Variants in ZNF224 observed in about 807,000 individuals in gnomAD.
ZNF224 encodes the protein zinc finger protein 224.
ZNF224 carries 8 observed loss-of-function variants against 10.5 expected under a neutral mutation model. That is an observed-to-expected ratio of 0.76 (90% CI 0.45 to 1.37). The LOEUF (loss-of-function observed/expected upper bound fraction) is 1.37. ZNF224 is among the 40% of genes most tolerant of loss of function. The probability of loss-of-function intolerance (pLI) is 0.00; values close to 1 mark genes in which losing one functional copy is unlikely to be tolerated. For missense variants in ZNF224, 754 were observed against 854.0 expected (o/e 0.88, Z 1.46); for synonymous variants, 282 against 287.8 (o/e 0.98, Z 0.20).
At position 44,109,568 on chromosome 19, in the gene ZNF224, A is replaced by G. The variant is rs1449061066; in HGVS notation, c.*1284A>G. 1 of 152,186 alleles carries G rather than the reference A, an allele frequency of 6.6e-6. No homozygotes were observed. The highest frequency in any genetic ancestry group is 2.1e-4 in the South Asian group (1 of 4,834). The allele number at this position is 152,186 out of a possible 1,614,324, so 9.4% of individuals were successfully genotyped here. A position where few individuals can be genotyped will look rare whatever the true frequency, so the allele number is the denominator to read the frequency against. ...AGAATGTATAAGGTGCAACTGTTTG[A>G]TATGAAAACCATAGGATAGGAAACT... On this transcript the variant is annotated 3_prime_UTR_variant, in exon 6 of 6. Coordinates refer to ENST00000693561, the MANE Select transcript of ZNF224 (RefSeq NM_001321645.3).
Position 44,103,891 on chromosome 19 carries a change from A to G in ZNF224, c.236-2505A>G, listed in dbSNP as rs141367960. On this transcript the variant is annotated intron_variant, in intron 5 of 5. Coordinates refer to ENST00000693561, the MANE Select transcript of ZNF224 (RefSeq NM_001321645.3). ...TTTTTAGTAGAGACAGGGTTTCACC[A>G]TGTTAATCAGGCTGGTCACCAACTC... Among the ~76,000 whole-genome samples, 10 of 152,252 alleles carry G rather than the reference A, an allele frequency of 6.6e-5. 1 individual carries two copies. In the South Asian group the frequency reaches 1.7e-3, roughly 25 times the overall value.
At chr19:44,101,360 G>T in intron 5 of ZNF224, 135 bp downstream of exon 5, 1 of 857,572 alleles carries the variant, frequency 1.2e-6, no homozygotes, top group East Asian at 2.7e-5. Flanking sequence ...TACACCTGGT[G>T]GCCCTGCCAC....
rs112323120 is a variant in ZNF224, at chr19:44,097,945, A to G, written c.15+57A>G. 2.5e-6 allele frequency: 4 copies of G among 1,598,462 alleles called. No homozygotes were observed. The South Asian group carries it at 4.4e-5, about 18-fold the overall frequency. On this transcript the variant is annotated intron_variant, in intron 3 of 5. Transcript: ENST00000693561. Reference sequence around the variant, plus strand: ...ATTCCCTCTCAGTACTTAAATTGTCACAAGTTTTCCTCTGTCTTGGGAAGA... The same window carrying G: ...ATTCCCTCTCAGTACTTAAATTGTCGCAAGTTTTCCTCTGTCTTGGGAAGA...
At chr19:44,101,338 T>C in intron 5 of ZNF224, 113 bp downstream of exon 5, 1 of 1,104,256 alleles carries the variant, frequency 9.1e-7, no homozygotes, top group Non-Finnish European at 1.3e-6. Context: ...CTTGGATTAT[T>C]GACAACCATC....
Position 44,106,754 on chromosome 19 carries a change from C to T in ZNF224, c.594C>T (p.His198=). The T allele has an allele frequency of 6.2e-7, 1 of 1,612,614 alleles. No homozygotes were observed. The highest frequency in any genetic ancestry group is 8.5e-7 in the Non-Finnish European group (1 of 1,179,112). ...ISALRIHQRV[H]MGEKCYKCDV... ...CCCTTCGTATTCATCAGAGAGTCCA[C>T]ATGGGAGAGAAATGCTATAAGTGTG... is the stretch of plus-strand genomic sequence containing the variant. The change falls in exon 6 of 6, where the codon CAC becomes CAT. Residue 198 remains histidine, a synonymous_variant. Coordinates refer to ENST00000693561, the MANE Select transcript of ZNF224 (RefSeq NM_001321645.3).
Position 44,097,533 on chromosome 19 carries a change from A to G in ZNF224, c.-68-273A>G, listed in dbSNP as rs563709106. Reference sequence around the variant, plus strand: ...CTTTTTTAACTGGCTTCTTTCATTTAGCAATAATGTTTCAAAGGTTCATGT... The same window carrying G: ...CTTTTTTAACTGGCTTCTTTCATTTGGCAATAATGTTTCAAAGGTTCATGT... On this transcript the variant is annotated intron_variant, in intron 2 of 5. Transcript: ENST00000693561. 5.3e-5 allele frequency among the ~76,000 whole-genome samples: 8 copies of G among 152,330 alleles called. No individual in the cohort carries two copies. In the South Asian group the frequency reaches 1.2e-3, roughly 24 times the overall value.
chr19:44,106,395 G>A lies in ZNF224; in HGVS notation c.236-1G>A. 6.2e-7 allele frequency: 1 copy of A among 1,614,070 alleles called. No homozygotes were observed. Among genetic ancestry groups the A allele is most frequent in the Non-Finnish European group, 8.5e-7 (1 of 1,179,978 alleles). ...CATCTTTTAATTCTGTATTCTGATA[G>A]GAGACAAGATCCAAACTGAGATGGA... On this transcript the variant is annotated splice_acceptor_variant, in intron 5 of 5. Transcript: ENST00000693561. LOFTEE classifies it high-confidence loss of function.
intron 2 of ZNF224, among the ~76,000 whole-genome samples, chr19:44,096,833 G>T (rs1285445472): frequency 6.6e-6 from 1 of 152,192 alleles, no homozygotes; most frequent in Non-Finnish European, 1.5e-5. Context: ...TTGGAGAAAG[G>T]CATTCATTTG....
chr19:44,100,683 C>A, intron 3 of ZNF224, 118 bp from the exon 4 acceptor site: 1 of 1,290,310 alleles, frequency 7.8e-7, no homozygotes, highest in Non-Finnish European at 1.1e-6. Flanking sequence ...TACGAGTTGA[C>A]CTATGTCTCT....
chr19:44,108,207 A>G lies in ZNF224; in HGVS notation c.2047A>G (p.Arg683Gly), dbSNP rs150806383. Residue 683 changes from arginine (R) to glycine (G), a missense_variant, in exon 6 of 6, where the codon AGG (arginine) becomes GGG (glycine). Physicochemically the swap from Arg to Gly is moderately radical, Grantham distance 125. Transcript: ENST00000693561. ...VHMGEKTWKC[R>G]ECDMCFSQAS... is the part of the protein sequence containing the mutation. ...CATGGGAGAGAAAACATGGAAGTGT[A>G]GGGAGTGTGATATGTGCTTTAGTCA... The G allele has an allele frequency of 2.1e-4, 339 of 1,614,224 alleles. No homozygotes were observed. The highest frequency in any genetic ancestry group is 2.7e-4 in the Non-Finnish European group (316 of 1,180,034).
intron 1 of ZNF224, chr19:44,095,200 C>G (rs1371216709): frequency 1.8e-5 from 4 of 225,524 alleles, no homozygotes; most frequent in Admixed American, 1.2e-4. Context: ...CTCACCCCAA[C>G]CGAGAGTGTA....
chr19:44,107,215 G>C lies in ZNF224; in HGVS notation c.1055G>C (p.Gly352Ala). Residue 352 changes from glycine to alanine, a missense_variant, in exon 6 of 6, where the codon GGC becomes GCC. Transcript: ENST00000693561. ...KPYKCEECGKGFICRRDLYTH... is the reference protein window; with the variant it reads ...KPYKCEECGKAFICRRDLYTH... ...TACAAATGTGAGGAGTGTGGAAAAG[G>C]CTTTATTTGTAGGCGAGATCTTTAT... 1 of 1,603,272 alleles carries C rather than the reference G, an allele frequency of 6.2e-7. No homozygotes were observed. Among genetic ancestry groups the C allele is most frequent in the Non-Finnish European group, 8.5e-7 (1 of 1,174,540 alleles).
In ZNF224 at chr19:44,106,396, G is replaced by A. The variant is rs1967659843; in HGVS notation, c.236G>A (p.Gly79Glu). ...ATCTTTTAATTCTGTATTCTGATAGGAGACAAGATCCAAACTGAGATGGAG... is the reference window on the plus strand; with the variant it reads ...ATCTTTTAATTCTGTATTCTGATAGAAGACAAGATCCAAACTGAGATGGAG... ...KTAIQREGNS[G>E]DKIQTEMETV... is the part of the protein sequence containing the mutation. The change falls in exon 6 of 6, where the codon GGA (glycine) becomes GAA (glutamate). Residue 79 changes from glycine (G) to glutamate (E), a missense_variant and splice_region_variant. Gly to Glu is a moderately conservative substitution (Grantham distance 98, BLOSUM62 -2). Coordinates refer to ENST00000693561, the MANE Select transcript of ZNF224 (RefSeq NM_001321645.3). The A allele has an allele frequency of 1.2e-6, 2 of 1,614,042 alleles. No individual in the cohort carries two copies. Among genetic ancestry groups the A allele is most frequent in the Non-Finnish European group, 1.7e-6 (2 of 1,179,960 alleles).
intron 3 of ZNF224, among the ~76,000 whole-genome samples, chr19:44,100,258 G>C (rs533540674): frequency 3.3e-5 from 5 of 152,318 alleles, no homozygotes; most frequent in African/African-American, 1.2e-4. Flanking sequence ...AGGCACGCTG[G>C]CTGCAGATCA....
Position 44,094,413 on chromosome 19 carries a change from AT to A in ZNF224, c.-274del, listed in dbSNP as rs1344554649. ...CTGAGGTTGCTGCAGTTTTTCCGCG[AT>A]AGTTTGGGGCAGTTCCGCGCGTTGC... On this transcript the variant is annotated 5_prime_UTR_variant, in exon 1 of 6. Transcript: ENST00000693561. 6.6e-6 allele frequency: 1 copy of A among 152,066 alleles called. No individual in the cohort carries two copies. Among genetic ancestry groups the A allele is most frequent in the Non-Finnish European group, 1.5e-5 (1 of 68,056 alleles). The allele number at this position is 152,066 out of a possible 1,614,324, so 9.4% of individuals were successfully genotyped here. A position where few individuals can be genotyped will look rare whatever the true frequency, so the allele number is the denominator to read the frequency against.
chr19:44,109,064 G>A lies in ZNF224; in HGVS notation c.*780G>A, dbSNP rs774566222. 14 of 165,390 alleles carry A rather than the reference G, an allele frequency of 8.5e-5. No individual in the cohort carries two copies. Among genetic ancestry groups the A allele is most frequent in the Non-Finnish European group, 1.7e-4 (13 of 75,680 alleles). 10.2% of individuals were successfully genotyped at this position (165,390 alleles called of 1,614,324 possible). On this transcript the variant is annotated 3_prime_UTR_variant, in exon 6 of 6. Transcript: ENST00000693561. The stretch of plus-strand genomic sequence containing the variant: ...TATGAAATGTCCATTGCTTGTATAC[G>A]GTATAAATTTAATTATCTTTTGTAG...
At position 44,107,090 on chromosome 19, in the gene ZNF224, C is replaced by G; in HGVS notation, c.930C>G (p.His310Gln). The change falls in exon 6 of 6, where the codon CAC (histidine) becomes CAG (glutamine). Residue 310 changes from histidine (H) to glutamine (Q), a missense_variant. Transcript: ENST00000693561. ...RSRLNRHSMVHTAEKPFRCDT... is the reference protein window; with the variant it reads ...RSRLNRHSMVQTAEKPFRCDT... ...GACTTAATAGGCATTCCATGGTTCA[C>G]ACGGCAGAGAAACCATTCCGATGTG... The G allele has an allele frequency of 2.5e-6, 4 of 1,601,978 alleles. No homozygotes were observed. In the South Asian group the frequency reaches 3.4e-5, roughly 14 times the overall value.
Position 44,100,717 on chromosome 19 carries a change from C to T in ZNF224, c.16-84C>T, listed in dbSNP as rs1681829089. ...CTCAAGATCCAAAACAACTTCCCAC[C>T]CCTCCCCTCTGTCTGCTCAGTGCCA... On this transcript the variant is annotated intron_variant, in intron 3 of 5. Transcript: ENST00000693561. 8 of 1,502,396 alleles carry T rather than the reference C, an allele frequency of 5.3e-6. No homozygotes were observed. In the African/African-American group the frequency reaches 9.7e-5, roughly 18 times the overall value. The allele number at this position is 1,502,396 out of a possible 1,614,324, so 93.1% of individuals were successfully genotyped here.
chr19:44,097,670 G>A, intron 2 of ZNF224, 136 bp from the exon 3 acceptor site: 2 of 541,628 alleles, frequency 3.7e-6, no homozygotes, highest in South Asian at 2.6e-5. Flanking sequence ...CATTTTGGTT[G>A]TGCCGTTTTG....
Sources: gnomAD v4.1 joint callset for allele counts (sites outside exome capture counted in the v4.1 genomes callset) on GRCh38, gnomAD v4.1.1 for gene constraint, MANE v1.5 for transcripts, NCBI Gene and HGNC (gene_info 2026-07-23, HGNC 2026-07-21) for gene names.